STK3: variants seen among roughly 807,000 people sequenced by gnomAD.
The protein encoded by STK3 is serine/threonine kinase 3, also known as serine/threonine-protein kinase 3.
STK3 carries 41 observed loss-of-function variants against 58.0 expected under a neutral mutation model. That is an observed-to-expected ratio of 0.71 (90% CI 0.55 to 0.92). The LOEUF (loss-of-function observed/expected upper bound fraction) is 0.92. Ranked by LOEUF, STK3 falls within the 40% of genes least tolerant of loss-of-function variation. The pLI, the probability that STK3 is intolerant of heterozygous loss-of-function variation, is 0.00. For missense variants in STK3, 479 were observed against 602.7 expected (o/e 0.79, Z 2.15); for synonymous variants, 170 against 191.0 (o/e 0.89, Z 0.91).
chr8:98,416,254 G>C lies in STK3; in HGVS notation n.484-14741C>G, dbSNP rs116661633. Among the ~76,000 whole-genome samples the C allele has an allele frequency of 6.4e-3, 972 of 152,178 alleles. 12 individuals carry two copies. Among genetic ancestry groups the C allele is most frequent in the African/African-American group, 0.022 (924 of 41,500 alleles). On this transcript the variant is annotated intron_variant and non_coding_transcript_variant, in intron 3 of 3. Transcript: ENST00000517832. ...AGAGCTGGATTTGGGCGATCAAGAT[G>C]CACTAGAAGACTCTAGCTTTGACAT...
downstream of STK3, among the ~76,000 whole-genome samples, chr8:98,453,461 A>G (rs1002391145): frequency 2.0e-5 from 3 of 152,204 alleles, no homozygotes; most frequent in Admixed American, 2.0e-4. Context: ...AAGAGTAAGA[A>G]GATAGGAAAA....
Position 98,477,729 on chromosome 8 carries a change from G to T in STK3, c.1318-21729C>A, listed in dbSNP as rs369611951. 7.4e-4 allele frequency among the ~76,000 whole-genome samples: 80 copies of T among 108,076 alleles called. 1 individual carries two copies. Among genetic ancestry groups the T allele is most frequent in the African/African-American group, 2.6e-3 (72 of 27,216 alleles). 70.9% of individuals were successfully genotyped at this position (108,076 alleles called of 152,430 possible). On this transcript the variant is annotated intron_variant, in intron 10 of 10. Coordinates refer to ENST00000419617, the MANE Select transcript of STK3 (RefSeq NM_006281.4). ...GGGGGGGGGGGGGTGGGCGGGGGGG[G>T]GCCCTAATGAAGGCAAGGGAGAGGG...
At chr8:98,400,093 C>T (rs1490392659), downstream of STK3, among the ~76,000 whole-genome samples, 1 of 152,156 alleles carries the variant, frequency 6.6e-6, no homozygotes, top group Non-Finnish European at 1.5e-5. Flanking sequence ...CACTCAGGCT[C>T]CCTCCAGACC....
downstream of STK3, chr8:98,401,372 T>G (rs144469756): frequency 1.2e-3 from 180 of 152,322 alleles, no homozygotes; most frequent in African/African-American, 3.7e-3. Context: ...AAAGATATAA[T>G]AAATGATTAT....
At chr8:98,609,529 G>GA (rs1437430901) in intron 6 of STK3, among the ~76,000 whole-genome samples, 5 of 152,160 alleles carry the variant, frequency 3.3e-5, no homozygotes, top group East Asian at 1.9e-4. Context: ...AGACTATGCG[G>GA]AAAAAATACT....
chr8:98,429,138 G>A, intron 3 of STK3: 1 of 1,613,302 alleles, frequency 6.2e-7, no homozygotes, highest in Non-Finnish European at 8.5e-7. Context: ...GACCACGGCA[G>A]GAAAGCTGAC....
chr8:98,496,488 C>T (rs1056221215), intron 10 of STK3, among the ~76,000 whole-genome samples: 1 of 152,138 alleles, frequency 6.6e-6, no homozygotes, highest in African/African-American at 2.4e-5. Flanking sequence ...CCATAATCCT[C>T]AAATTGATCT....
intron 1 of STK3, among the ~76,000 whole-genome samples, chr8:98,809,815 T>C (rs908421277): frequency 2.6e-5 from 4 of 152,202 alleles, no homozygotes; most frequent in African/African-American, 7.2e-5. Flanking sequence ...CACAAATATC[T>C]TGAGACCCTG....
chr8:98,564,788 G>C (rs917083371), intron 8 of STK3, among the ~76,000 whole-genome samples: 2 of 152,046 alleles, frequency 1.3e-5, no homozygotes, highest in African/African-American at 4.8e-5. Flanking sequence ...AGCCTAAGGA[G>C]ACATGATGAC....
chr8:98,693,762 A>G (rs141721352), intron 6 of STK3, among the ~76,000 whole-genome samples: 1 of 152,312 alleles, frequency 6.6e-6, no homozygotes, highest in African/African-American at 2.4e-5. Context: ...TGGGAGATGG[A>G]AGGTGTGTTA....
chr8:98,698,040 G>A (rs1246262279), intron 6 of STK3, among the ~76,000 whole-genome samples: 2 of 152,128 alleles, frequency 1.3e-5, no homozygotes, highest in Non-Finnish European at 2.9e-5. Context: ...TATGAATCTG[G>A]GTGCTCCTGT....
chr8:98,670,582 C>T (rs1237686063), intron 6 of STK3, among the ~76,000 whole-genome samples: 1 of 152,158 alleles, frequency 6.6e-6, no homozygotes, highest in East Asian at 1.9e-4. Flanking sequence ...TCAAAAACAG[C>T]CTGAAACCCA....
At chr8:98,477,537 G>T (rs1317484684) in intron 10 of STK3, among the ~76,000 whole-genome samples, 1 of 151,736 alleles carries the variant, frequency 6.6e-6, no homozygotes, top group African/African-American at 2.4e-5. Flanking sequence ...CCCACTCATG[G>T]GTCCTTCACC....
At chr8:98,498,897 T>C (rs1823362890) in intron 10 of STK3, among the ~76,000 whole-genome samples, 1 of 152,212 alleles carries the variant, frequency 6.6e-6, no homozygotes, top group South Asian at 2.1e-4. Flanking sequence ...TCCCTTGAGA[T>C]ACCATGTCCT....
intron 2 of STK3, among the ~76,000 whole-genome samples, chr8:98,372,138 G>A (rs953341103): frequency 6.6e-6 from 1 of 152,212 alleles, no homozygotes; most frequent in African/African-American, 2.4e-5. Context: ...ATTGCCAGCT[G>A]CCATCAGAAG....
chr8:98,839,052 G>A (rs1330954518), intron 3 of STK3, among the ~76,000 whole-genome samples: 2 of 151,340 alleles, frequency 1.3e-5, no homozygotes, highest in East Asian at 1.9e-4. Flanking sequence ...TGATTTTTGG[G>A]GGGGGGCGGT....
intron 1 of STK3, among the ~76,000 whole-genome samples, chr8:98,912,315 T>A (rs1587838672): frequency 6.6e-6 from 1 of 151,076 alleles, no homozygotes; most frequent in African/African-American, 2.4e-5. Context: ...GAGGAGGAGG[T>A]GGCAGTGAGC....
intron 3 of STK3, among the ~76,000 whole-genome samples, chr8:98,864,624 G>T (rs1262063921): frequency 1.3e-5 from 2 of 152,166 alleles, no homozygotes; most frequent in Non-Finnish European, 2.9e-5. Flanking sequence ...TGTTGGTGTA[G>T]CATATCCCAG....
At chr8:98,621,604 C>T (rs1355916703) in intron 6 of STK3, among the ~76,000 whole-genome samples, 2 of 151,962 alleles carry the variant, frequency 1.3e-5, no homozygotes, top group Non-Finnish European at 1.5e-5. Context: ...CATTCAATAC[C>T]GTAAATGGGT....
Sources: allele counts gnomAD v4.1 joint callset (sites outside exome capture counted in the v4.1 genomes callset), GRCh38; gene constraint gnomAD v4.1.1; transcripts MANE v1.5; gene names NCBI Gene and HGNC (gene_info 2026-07-23, HGNC 2026-07-21).